The following RAPGEF4 variants were observed in gnomAD, a reference collection of about 807,000 sequenced individuals.
RAPGEF4 encodes the protein Rap guanine nucleotide exchange factor 4, also known as RAP guanine-nucleotide-exchange factor (GEF) 4.
A neutral mutation model predicts 147.9 loss-of-function variants in RAPGEF4; 66 were observed. That is an observed-to-expected ratio of 0.45 (90% CI 0.37 to 0.55). The LOEUF is 0.55. Among genes scored for constraint, RAPGEF4 ranks in the 20% least tolerant of loss-of-function variants. The pLI, the probability that RAPGEF4 is intolerant of heterozygous loss-of-function variation, is 0.00. For missense variants in RAPGEF4, 1,071 were observed against 1,257.3 expected, an observed-to-expected ratio of 0.85 and a Z score of 2.24; for synonymous variants, 419 against 442.7, an observed-to-expected ratio of 0.95 and a Z score of 0.67.
chr2:172,831,363 G>A (rs944029573), intron 4 of RAPGEF4, among the ~76,000 whole-genome samples: 12 of 137,362 alleles, frequency 8.7e-5, no homozygotes, highest in African/African-American at 3.2e-4. Context: ...TTGCCTCCCG[G>A]GTTCAAGCAA....
chr2:172,768,538 T>C (rs1012058161), intron 1 of RAPGEF4, among the ~76,000 whole-genome samples: 60 of 150,112 alleles, frequency 4.0e-4, no homozygotes, highest in African/African-American at 1.4e-3. Context: ...AAAAAAGCTG[T>C]GGATTCATCA....
At chr2:172,848,154 C>T (rs1692405395) in intron 4 of RAPGEF4, among the ~76,000 whole-genome samples, 1 of 152,150 alleles carries the variant, frequency 6.6e-6, no homozygotes, top group African/African-American at 2.4e-5. Flanking sequence ...AAAATGTACT[C>T]ATGCTTGAGA....
chr2:172,747,225 A>T lies in RAPGEF4; in HGVS notation c.65+11177A>T, dbSNP rs183374465. ...TTCATTGAGGCACAATTGACAAGTA[A>T]AAATTGTATAACTTTAAGATGTATG... is the stretch of plus-strand genomic sequence containing the variant. On this transcript the variant is annotated intron_variant, in intron 1 of 30. Transcript: ENST00000397081. Among the ~76,000 whole-genome samples the T allele has an allele frequency of 1.5e-3, 235 of 152,314 alleles. 4 individuals are homozygous for T. Among genetic ancestry groups the T allele is most frequent in the Admixed American group, 0.015 (234 of 15,302 alleles).
At chr2:172,836,006 G>A (rs927084003) in intron 4 of RAPGEF4, among the ~76,000 whole-genome samples, 1 of 152,128 alleles carries the variant, frequency 6.6e-6, no homozygotes, top group African/African-American at 2.4e-5. Context: ...GAATGAGGGT[G>A]ATAGTTGTAA....
chr2:172,892,663 G>A (rs1301520971), intron 4 of RAPGEF4, among the ~76,000 whole-genome samples: 2 of 152,210 alleles, frequency 1.3e-5, no homozygotes, highest in Non-Finnish European at 2.9e-5. Context: ...ATTCAACAAG[G>A]GTCCCCAGTG....
At chr2:172,837,409 C>T (rs1368829577) in intron 4 of RAPGEF4, among the ~76,000 whole-genome samples, 1 of 152,116 alleles carries the variant, frequency 6.6e-6, no homozygotes, top group Non-Finnish European at 1.5e-5. Context: ...CTTGCTCTGT[C>T]TGACTTCAAA....
Position 172,819,461 on chromosome 2 carries a change from C to CTTTTTTTTTTTTTTTTT in RAPGEF4, c.444+5042_444+5058dup, listed in dbSNP as rs1242605865. On this transcript the variant is annotated intron_variant, in intron 4 of 30. Coordinates refer to ENST00000397081, the MANE Select transcript of RAPGEF4 (RefSeq NM_007023.4). Reference sequence around the variant, plus strand: ...AAGTCTTAGAATACCATTTTTAGTTCTTTTTTTTTTTTTTTTTTTTTTGAG... The same window carrying CTTTTTTTTTTTTTTTTT: ...AAGTCTTAGAATACCATTTTTAGTTCTTTTTTTTTTTTTTTTTTTTTTTTTTTTTTTTTTTTTTTGAG... 3.3e-4 allele frequency among the ~76,000 whole-genome samples: 29 copies of CTTTTTTTTTTTTTTTTT among 87,010 alleles called. 2 individuals carry two copies. The highest frequency in any genetic ancestry group is 4.1e-4 in the Non-Finnish European group (20 of 48,442). 57.1% of individuals were successfully genotyped at this position (87,010 alleles called of 152,430 possible).
intron 4 of RAPGEF4, among the ~76,000 whole-genome samples, chr2:172,828,229 G>A (rs987535344): frequency 1.3e-5 from 2 of 152,180 alleles, no homozygotes; most frequent in Admixed American, 6.5e-5. Flanking sequence ...GCCAAGGAGA[G>A]TGAAAAGGGT....
intron 5 of RAPGEF4, among the ~76,000 whole-genome samples, chr2:172,921,576 A>G (rs1355600867): frequency 6.6e-6 from 1 of 152,202 alleles, no homozygotes; most frequent in Admixed American, 6.5e-5. Context: ...TCTCCTCTGT[A>G]TAAGGTCACA....
At chr2:172,871,495 C>T (rs1189262854) in intron 4 of RAPGEF4, among the ~76,000 whole-genome samples, 1 of 152,112 alleles carries the variant, frequency 6.6e-6, no homozygotes, top group Non-Finnish European at 1.5e-5. Flanking sequence ...GCCTCTGACA[C>T]ATTTTATATC....
At chr2:172,852,740 T>A (rs1488034575) in intron 4 of RAPGEF4, among the ~76,000 whole-genome samples, 3 of 152,166 alleles carry the variant, frequency 2.0e-5, no homozygotes, top group Non-Finnish European at 2.9e-5. Flanking sequence ...TCATTCAATA[T>A]TTCATCATTA....
At chr2:172,814,703 T>TC in intron 4 of RAPGEF4, 1 of 410,866 alleles carries the variant, frequency 2.4e-6, no homozygotes, top group East Asian at 5.1e-5. Context: ...TTATGTATTT[T>TC]CTCCCTTCTT....
intron 4 of RAPGEF4, among the ~76,000 whole-genome samples, chr2:172,856,188 T>C (rs190195544): frequency 2.6e-5 from 4 of 152,318 alleles, no homozygotes; most frequent in Admixed American, 2.6e-4. Flanking sequence ...ATTTCTATTG[T>C]TCTATCCTTA....
intron 4 of RAPGEF4, among the ~76,000 whole-genome samples, chr2:172,876,766 A>C (rs1442028487): frequency 4.6e-5 from 7 of 152,152 alleles, no homozygotes; most frequent in African/African-American, 1.7e-4. Context: ...GGCCTCATAA[A>C]ATGAGTTAGG....
intron 1 of RAPGEF4, among the ~76,000 whole-genome samples, chr2:172,777,500 TCA>T (rs1355246186): frequency 2.0e-5 from 3 of 152,160 alleles, no homozygotes; most frequent in Non-Finnish European, 2.9e-5. Flanking sequence ...TCCACTCAGA[TCA>T]CACTGTCTAG....
chr2:173,035,979 G>A (rs1306978779), intron 27 of RAPGEF4, 146 bp from the exon 28 acceptor site: 20 of 624,364 alleles, frequency 3.2e-5, no homozygotes, highest in South Asian at 3.2e-4. Flanking sequence ...GAAAAGCCAT[G>A]TATAAGTGAC....
chr2:173,033,767 T>C (rs1683538977), intron 26 of RAPGEF4, 147 bp from the exon 27 acceptor site: 1 of 737,088 alleles, frequency 1.4e-6, no homozygotes, highest in Non-Finnish European at 2.2e-6. Context: ...TATTCTCAAA[T>C]GGCAAGACAG....
At chr2:172,918,635 G>A (rs1037179022) in intron 5 of RAPGEF4, among the ~76,000 whole-genome samples, 2 of 152,116 alleles carry the variant, frequency 1.3e-5, no homozygotes, top group Admixed American at 6.5e-5. Context: ...AAAGAAACCC[G>A]TATGTCCCCT....
intron 1 of RAPGEF4, among the ~76,000 whole-genome samples, chr2:172,758,645 G>A (rs571502830): frequency 2.0e-5 from 3 of 152,326 alleles, no homozygotes; most frequent in African/African-American, 7.2e-5. Flanking sequence ...ATGTGGAAGT[G>A]TATGGGAAAG....
Sources: gnomAD v4.1 joint callset for allele counts (sites outside exome capture counted in the v4.1 genomes callset) on GRCh38, gnomAD v4.1.1 for gene constraint, MANE v1.5 for transcripts, NCBI Gene and HGNC (gene_info 2026-07-23, HGNC 2026-07-21) for gene names.